Variants in NOX4 observed in about 807,000 individuals in gnomAD.
NOX4 encodes the protein kidney oxidase-1.
Under a neutral mutation model 87.6 loss-of-function variants are expected in NOX4, and 69 were observed. That is an observed-to-expected ratio of 0.79 (90% confidence interval 0.65 to 0.96). NOX4 has a LOEUF of 0.96. Among genes scored for constraint, NOX4 ranks in the 40% least tolerant of loss-of-function variants. The probability of loss-of-function intolerance (pLI) is 0.00; values close to 1 mark genes in which losing one functional copy is unlikely to be tolerated. For missense variants in NOX4, 680 were observed against 681.5 expected (o/e 1.00, Z 0.02); for synonymous variants, 275 against 238.2 (o/e 1.15, Z -1.42).
chr11:89,421,714 C>T (rs1943091556), intron 8 of NOX4, among the ~76,000 whole-genome samples, 188 bp downstream of exon 8: 1 of 152,094 alleles, frequency 6.6e-6, no homozygotes, highest in Admixed American at 6.6e-5. Flanking sequence ...ATACTGGTTT[C>T]ATTACAATAT....
chr11:89,481,090 C>T (rs1946372120), intron 2 of NOX4, among the ~76,000 whole-genome samples: 1 of 151,958 alleles, frequency 6.6e-6, no homozygotes, highest in Admixed American at 6.6e-5. Context: ...AAACATACAA[C>T]CTCATCATCA....
intron 8 of NOX4, among the ~76,000 whole-genome samples, chr11:89,414,319 A>ATAACTGGATGG (rs1437180674): frequency 6.6e-6 from 1 of 152,046 alleles, no homozygotes; most frequent in African/African-American, 2.4e-5. Context: ...CATTTGAATA[A>ATAACTGGATGG]TAACTGGATG....
intron 17 of NOX4, among the ~76,000 whole-genome samples, chr11:89,334,987 T>C (rs1460138318): frequency 6.6e-6 from 1 of 151,776 alleles, no homozygotes; most frequent in Non-Finnish European, 1.5e-5. Flanking sequence ...ATTTTTGTAA[T>C]AAATGACAGT....
intron 11 of NOX4, among the ~76,000 whole-genome samples, chr11:89,399,229 C>G (rs892159159): frequency 2.7e-5 from 4 of 150,842 alleles, no homozygotes; most frequent in African/African-American, 7.3e-5. Context: ...TTTGATTTTT[C>G]TAATTTTATT....
At chr11:89,354,873 A>G in intron 13 of NOX4, 89 bp downstream of exon 13, 2 of 693,912 alleles carry the variant, frequency 2.9e-6, no homozygotes, top group South Asian at 4.0e-5. Flanking sequence ...AAATCTTAAG[A>G]AAGATTACAT....
intron 8 of NOX4, among the ~76,000 whole-genome samples, chr11:89,407,315 CAG>C (rs891296842): frequency 4.6e-5 from 7 of 152,108 alleles, no homozygotes; most frequent in Admixed American, 2.6e-4. Flanking sequence ...GAATGGTAAA[CAG>C]AGAGTCTTGC....
chr11:89,584,084 G>T, the NOX4 span, among the ~76,000 whole-genome samples: 2 of 151,806 alleles, frequency 1.3e-5, no homozygotes, highest in Non-Finnish European at 2.9e-5. Context: ...TCTCCTCTTG[G>T]GTAGTGAATT....
chr11:89,502,575 A>G (rs1947033931), upstream of NOX4, among the ~76,000 whole-genome samples: 1 of 151,980 alleles, frequency 6.6e-6, no homozygotes, highest in Non-Finnish European at 1.5e-5. Flanking sequence ...TGACTCTTAC[A>G]TGAGGGAGAA....
At chr11:89,503,918 T>C in the NOX4 span, among the ~76,000 whole-genome samples, 1 of 149,010 alleles carries the variant, frequency 6.7e-6, no homozygotes. Context: ...CCTATCCTTC[T>C]ATCCTTCTGG....
intron 11 of NOX4, among the ~76,000 whole-genome samples, chr11:89,385,236 T>C (rs1447976613): frequency 6.6e-6 from 1 of 152,190 alleles, no homozygotes; most frequent in Admixed American, 6.5e-5. Context: ...CCATCATTAA[T>C]GCCTCTTTAA....
the NOX4 span, among the ~76,000 whole-genome samples, chr11:89,564,365 A>C: frequency 1.3e-5 from 2 of 152,156 alleles, no homozygotes; most frequent in Non-Finnish European, 2.9e-5. Context: ...GGAAGAGAGC[A>C]AAGGGGAAGG....
At chr11:89,547,031 A>G in the NOX4 span, among the ~76,000 whole-genome samples, 5 of 152,312 alleles carry the variant, frequency 3.3e-5, no homozygotes, top group East Asian at 9.6e-4. Context: ...TAATGTATAT[A>G]AAGCACATAA....
At position 89,447,897 on chromosome 11, in the gene NOX4, A is replaced by G. The variant is rs548214816; in HGVS notation, c.349+1543T>C. Among the ~76,000 whole-genome samples the G allele has an allele frequency of 2.6e-5, 4 of 152,256 alleles. No individual in the cohort carries two copies. The South Asian group carries it at 6.2e-4, about 24-fold the overall frequency. On this transcript the variant is annotated intron_variant, in intron 4 of 17. Transcript: ENST00000263317. Reference sequence around the variant, plus strand: ...AACACCTGCAGAGGTGGGACTACCAATTGGAAGACATTCAGAGATAAAACA... The same window carrying G: ...AACACCTGCAGAGGTGGGACTACCAGTTGGAAGACATTCAGAGATAAAACA...
intron 12 of NOX4, among the ~76,000 whole-genome samples, chr11:89,362,535 A>G (rs1208252747): frequency 6.6e-6 from 1 of 151,926 alleles, no homozygotes; most frequent in East Asian, 1.9e-4. Flanking sequence ...TTTTATCTAT[A>G]TCTTGTTTGA....
At chr11:89,572,643 G>T in the NOX4 span, among the ~76,000 whole-genome samples, 6 of 152,028 alleles carry the variant, frequency 3.9e-5, no homozygotes, top group Non-Finnish European at 8.8e-5. Context: ...TCCACCTCCC[G>T]GGTTCACGCC....
At chr11:89,511,766 CT>C in the NOX4 span, among the ~76,000 whole-genome samples, 3 of 136,580 alleles carry the variant, frequency 2.2e-5, no homozygotes, top group East Asian at 2.5e-4. Context: ...TTTTCAGGAG[CT>C]TTCCTTTACC....
At chr11:89,577,673 C>G in the NOX4 span, 1 of 152,092 alleles carries the variant, frequency 6.6e-6, no homozygotes, top group East Asian at 1.9e-4. Flanking sequence ...CAGAGAAAAA[C>G]TTTTTTCTAT....
At chr11:89,423,259 C>A (rs900592734) in intron 7 of NOX4, among the ~76,000 whole-genome samples, 7 of 152,102 alleles carry the variant, frequency 4.6e-5, no homozygotes, top group African/African-American at 1.7e-4. Context: ...CCCAAAAACT[C>A]AGACTAAATT....
chr11:89,465,742 A>AT (rs1945661723), intron 2 of NOX4, among the ~76,000 whole-genome samples: 2 of 151,548 alleles, frequency 1.3e-5, no homozygotes, highest in African/African-American at 4.8e-5. Flanking sequence ...AATGATGAGC[A>AT]TTTTTTCATG....
Sources: gnomAD v4.1 joint callset for allele counts (sites outside exome capture counted in the v4.1 genomes callset) on GRCh38, gnomAD v4.1.1 for gene constraint, MANE v1.5 for transcripts, NCBI Gene and HGNC (gene_info 2026-07-23, HGNC 2026-07-21) for gene names.